Variants in CDH18 observed in about 807,000 individuals in gnomAD.
CDH18 encodes the protein cadherin-18.
CDH18 carries 31 observed loss-of-function variants against 67.9 expected under a neutral mutation model. The observed-to-expected ratio is 0.46, with a 90% CI of 0.34 to 0.62. The LOEUF (loss-of-function observed/expected upper bound fraction) is 0.62. Among genes scored for constraint, CDH18 ranks in the 20% least tolerant of loss-of-function variants. CDH18 has a pLI of 0.01. For synonymous variants in CDH18, 362 were observed against 347.2 expected (o/e 1.04, Z -0.48); for missense variants, 890 against 975.5 (o/e 0.91, Z 1.17).
At chr5:20,558,271 G>A (rs943565196) in intron 1 of CDH18, among the ~76,000 whole-genome samples, 10 of 152,034 alleles carry the variant, frequency 6.6e-5, no homozygotes, top group African/African-American at 2.4e-4. Context: ...ACACACAAAT[G>A]CACACACTGA....
intron 2 of CDH18, among the ~76,000 whole-genome samples, chr5:19,965,604 G>A (rs1158259003): frequency 6.6e-6 from 1 of 152,172 alleles, no homozygotes; most frequent in African/African-American, 2.4e-5. Context: ...TTACAGGAGT[G>A]ATTTATTAGA....
chr5:19,872,670 G>T (rs563406216), intron 2 of CDH18, among the ~76,000 whole-genome samples: 9 of 152,332 alleles, frequency 5.9e-5, no homozygotes, highest in African/African-American at 2.2e-4. Context: ...CTTGATTGAA[G>T]CCTTGTGAGA....
chr5:20,301,647 G>C (rs1445481456), intron 1 of CDH18, among the ~76,000 whole-genome samples: 2 of 152,120 alleles, frequency 1.3e-5, no homozygotes, highest in African/African-American at 4.8e-5. Context: ...TAGAACAACT[G>C]ACAAATGCTC....
chr5:19,599,348 C>T (rs551463982), intron 6 of CDH18, among the ~76,000 whole-genome samples: 2 of 152,086 alleles, frequency 1.3e-5, no homozygotes, highest in South Asian at 2.1e-4. Context: ...AAATTCAAGT[C>T]ATTTAACATG....
intron 1 of CDH18, among the ~76,000 whole-genome samples, chr5:20,403,517 T>C (rs1289405587): frequency 6.6e-6 from 1 of 152,226 alleles, no homozygotes; most frequent in African/African-American, 2.4e-5. Flanking sequence ...ACAACATTAA[T>C]CTACTTGTAC....
At chr5:20,166,399 C>T (rs1736287141) in intron 2 of CDH18, among the ~76,000 whole-genome samples, 1 of 147,582 alleles carries the variant, frequency 6.8e-6, no homozygotes, top group Non-Finnish European at 1.5e-5. Flanking sequence ...AAGATAGCCC[C>T]TTTGCACTCC....
At chr5:20,556,248 T>C (rs1757901343) in intron 1 of CDH18, among the ~76,000 whole-genome samples, 1 of 152,158 alleles carries the variant, frequency 6.6e-6, no homozygotes, top group Non-Finnish European at 1.5e-5. Context: ...TAGGCTAAAA[T>C]ATGCGCAGCC....
chr5:20,217,563 G>C (rs1432864099), intron 2 of CDH18, among the ~76,000 whole-genome samples: 1 of 151,472 alleles, frequency 6.6e-6, no homozygotes, highest in Non-Finnish European at 1.5e-5. Context: ...TACCACCTGA[G>C]AAAATCATCT....
chr5:19,699,189 A>T (rs1443501411), intron 5 of CDH18, among the ~76,000 whole-genome samples: 1 of 152,164 alleles, frequency 6.6e-6, no homozygotes, highest in Non-Finnish European at 1.5e-5. Flanking sequence ...CTCACTGATT[A>T]TATGCACATC....
At chr5:20,515,057 CAATATA>C (rs1177212848) in intron 1 of CDH18, among the ~76,000 whole-genome samples, 2 of 151,134 alleles carry the variant, frequency 1.3e-5, no homozygotes, top group Admixed American at 6.6e-5. Flanking sequence ...AGAGAAACAG[CAATATA>C]AATATGGCTA....
intron 10 of CDH18, among the ~76,000 whole-genome samples, chr5:19,505,061 T>C (rs992589908): frequency 5.9e-5 from 9 of 152,130 alleles, no homozygotes; most frequent in Non-Finnish European, 1.0e-4. Flanking sequence ...GGCATCTTTT[T>C]CACTTTTTTA....
chr5:19,960,587 G>GTA (rs1796714106), intron 2 of CDH18, among the ~76,000 whole-genome samples: 2 of 118,368 alleles, frequency 1.7e-5, no homozygotes, highest in Non-Finnish European at 3.1e-5. Flanking sequence ...GTGTGTGTGT[G>GTA]TGTATATATA....
In CDH18 at chr5:19,910,878, G is replaced by T. The variant is rs557463075; in HGVS notation, c.-257+70182C>A. Among the ~76,000 whole-genome samples the T allele has an allele frequency of 1.1e-3, 169 of 152,176 alleles. 2 individuals carry two copies. The highest frequency in any genetic ancestry group is 3.9e-3 in the South Asian group (19 of 4,820). ...TATAAATACTCTAAATTCTGGAAAA[G>T]ATATATACGTAAGGACATAAAAAGT... On this transcript the variant is annotated intron_variant, in intron 2 of 12. Transcript: ENST00000382275.
chr5:19,769,465 G>C (rs934981153), intron 3 of CDH18, among the ~76,000 whole-genome samples: 6 of 152,030 alleles, frequency 3.9e-5, no homozygotes, highest in African/African-American at 1.2e-4. Flanking sequence ...TGTTAAAAAT[G>C]ATGGAGAAAT....
intron 3 of CDH18, among the ~76,000 whole-genome samples, chr5:19,789,877 A>G (rs1035601976): frequency 3.9e-5 from 6 of 151,986 alleles, no homozygotes; most frequent in African/African-American, 1.4e-4. Flanking sequence ...AATATACAGT[A>G]TATAATACAG....
chr5:20,007,789 G>A (rs1048792756), intron 2 of CDH18, among the ~76,000 whole-genome samples: 47 of 150,166 alleles, frequency 3.1e-4, no homozygotes, highest in African/African-American at 1.1e-3. Flanking sequence ...TTTTTAAATG[G>A]TTAAGAAAAA....
chr5:19,810,829 C>A (rs1270033574), intron 3 of CDH18, among the ~76,000 whole-genome samples: 2 of 151,852 alleles, frequency 1.3e-5, no homozygotes, highest in Non-Finnish European at 2.9e-5. Flanking sequence ...TCAAGACTAG[C>A]CTGGCCAAAC....
At chr5:20,194,272 G>A (rs905008942) in intron 2 of CDH18, among the ~76,000 whole-genome samples, 4 of 151,992 alleles carry the variant, frequency 2.6e-5, no homozygotes, top group African/African-American at 7.2e-5. Context: ...AAAGTCTCAG[G>A]ATACAAAATC....
At chr5:19,872,923 A>G (rs1345633709) in intron 2 of CDH18, among the ~76,000 whole-genome samples, 2 of 152,160 alleles carry the variant, frequency 1.3e-5, no homozygotes, top group Admixed American at 1.3e-4. Context: ...AGTTCCAAAG[A>G]TTTAAGAGTC....
Sources: allele counts gnomAD v4.1 joint callset (sites outside exome capture counted in the v4.1 genomes callset), GRCh38; gene constraint gnomAD v4.1.1; transcripts MANE v1.5; gene names NCBI Gene and HGNC (gene_info 2026-07-23, HGNC 2026-07-21).